Variants in CPA6 observed in about 807,000 individuals in gnomAD.
CPA6 encodes the protein carboxypeptidase A6.
In CPA6, 58 loss-of-function variants were observed where a neutral mutation model predicts 63.3. The ratio of observed to expected loss-of-function variants is 0.92; its 90% CI spans 0.74 to 1.14. CPA6 has a LOEUF of 1.14. CPA6 is among the 50% of genes most tolerant of loss of function. The pLI is 0.00. For synonymous variants in CPA6, 185 were observed against 179.0 expected (o/e 1.03, Z -0.27); for missense variants, 565 against 526.6 (o/e 1.07, Z -0.71).
chr8:67,732,295 C>G (rs1817720708), intron 1 of CPA6, among the ~76,000 whole-genome samples: 1 of 152,174 alleles, frequency 6.6e-6, no homozygotes, highest in African/African-American at 2.4e-5. Flanking sequence ...TTTTTCACTA[C>G]TTGTCATTGA....
intron 8 of CPA6, among the ~76,000 whole-genome samples, chr8:67,448,637 AG>A (rs1810482927): frequency 7.0e-6 from 1 of 142,942 alleles, no homozygotes; most frequent in Non-Finnish European, 1.5e-5. Context: ...ATCTCAAAAA[AG>A]GAAAAAAAAA....
At chr8:67,633,154 G>C (rs1369373069) in intron 1 of CPA6, among the ~76,000 whole-genome samples, 1 of 152,048 alleles carries the variant, frequency 6.6e-6, no homozygotes. Context: ...CTCCTATAAA[G>C]CTTCCTTAGA....
chr8:67,444,092 C>T (rs1432546293), intron 8 of CPA6, among the ~76,000 whole-genome samples: 2 of 151,304 alleles, frequency 1.3e-5, no homozygotes, highest in Admixed American at 1.3e-4. Flanking sequence ...CCCGGGTTCA[C>T]GCCATTCTCC....
intron 1 of CPA6, among the ~76,000 whole-genome samples, chr8:67,659,880 A>G (rs1403807589): frequency 6.6e-6 from 1 of 152,228 alleles, no homozygotes; most frequent in Admixed American, 6.5e-5. Context: ...CCTTCATTGC[A>G]TTTCTTTTAT....
chr8:67,711,210 C>T (rs950178329), intron 1 of CPA6, among the ~76,000 whole-genome samples: 5 of 152,200 alleles, frequency 3.3e-5, no homozygotes, highest in African/African-American at 1.2e-4. Flanking sequence ...GATCCACAAT[C>T]CTACTTTGAA....
At chr8:67,422,755 G>T (rs1007380375) in intron 10 of CPA6, 64 bp from the exon 11 acceptor site, 2 of 1,219,024 alleles carry the variant, frequency 1.6e-6, no homozygotes, top group Non-Finnish European at 2.3e-6. Context: ...TTTTCTAAAT[G>T]TATATACTAT....
At chr8:67,732,114 T>C (rs1360476675) in intron 1 of CPA6, among the ~76,000 whole-genome samples, 2 of 152,194 alleles carry the variant, frequency 1.3e-5, no homozygotes, top group African/African-American at 4.8e-5. Context: ...TAAGAGCCTA[T>C]ATAAATAAAA....
intron 2 of CPA6, among the ~76,000 whole-genome samples, chr8:67,580,807 A>T (rs932163087): frequency 4.6e-5 from 7 of 152,228 alleles, no homozygotes; most frequent in Non-Finnish European, 7.3e-5. Flanking sequence ...AAGTTAAAAA[A>T]TACCAAATGC....
chr8:67,567,436 A>T (rs1274070082), intron 2 of CPA6, among the ~76,000 whole-genome samples: 2 of 152,240 alleles, frequency 1.3e-5, no homozygotes, highest in African/African-American at 4.8e-5. Flanking sequence ...CAATGAATAA[A>T]CATAGGAGTT....
intron 2 of CPA6, among the ~76,000 whole-genome samples, chr8:67,603,541 A>G (rs933074330): frequency 1.3e-5 from 2 of 152,198 alleles, no homozygotes; most frequent in Admixed American, 6.5e-5. Flanking sequence ...AAGCATGTCC[A>G]TAGATTTTTG....
intron 2 of CPA6, among the ~76,000 whole-genome samples, chr8:67,559,852 A>ATATATAT (rs1813159662): frequency 3.4e-5 from 5 of 148,050 alleles, no homozygotes; most frequent in South Asian, 4.3e-4. Flanking sequence ...AGTTGGACAA[A>ATATATAT]ATATATATAT....
intron 2 of CPA6, among the ~76,000 whole-genome samples, chr8:67,544,437 G>A (rs1325680942): frequency 6.6e-6 from 1 of 152,182 alleles, no homozygotes; most frequent in Non-Finnish European, 1.5e-5. Context: ...AGCAAACAGA[G>A]CACTGAATTA....
Position 67,533,287 on chromosome 8 carries a change from T to C in CPA6, c.193-15240A>G, listed in dbSNP as rs1812516778. ...CGTAAGAAGGGTAGAATGAGGATGA[T>C]TGCACACACTCAGAGGCAAGTACAG... On this transcript the variant is annotated intron_variant, in intron 2 of 10. Coordinates refer to ENST00000297770, the MANE Select transcript of CPA6 (RefSeq NM_020361.5). Among the ~76,000 whole-genome samples the C allele has an allele frequency of 2.0e-5, 3 of 152,306 alleles. No homozygotes were observed. In the South Asian group the frequency reaches 6.2e-4, roughly 32 times the overall value.
chr8:67,603,171 C>G (rs2128983567), intron 2 of CPA6, among the ~76,000 whole-genome samples: 1 of 152,176 alleles, frequency 6.6e-6, no homozygotes, highest in South Asian at 2.1e-4. Context: ...TAGGAATAAT[C>G]CTTCTATATA....
intron 1 of CPA6, among the ~76,000 whole-genome samples, chr8:67,699,456 A>AG (rs1306603293): frequency 2.0e-5 from 3 of 151,938 alleles, no homozygotes; most frequent in East Asian, 1.9e-4. Flanking sequence ...ACAAAACAGG[A>AG]GGGGGGGATG....
Position 67,606,031 on chromosome 8 carries a change from A to G in CPA6, c.192+18145T>C, listed in dbSNP as rs117179859. On this transcript the variant is annotated intron_variant, in intron 2 of 10. Coordinates refer to ENST00000297770, the MANE Select transcript of CPA6 (RefSeq NM_020361.5). ...TGGAATATGGGCCCAGAAGAATTCA[A>G]TTTTTGTCTTTGCGATAGTTTACTG... 2.6e-5 allele frequency among the ~76,000 whole-genome samples: 4 copies of G among 152,090 alleles called. No individual in the cohort carries two copies. In the East Asian group the frequency reaches 7.7e-4, roughly 29 times the overall value.
At chr8:67,653,719 T>C (rs1022291170) in intron 1 of CPA6, among the ~76,000 whole-genome samples, 4 of 152,066 alleles carry the variant, frequency 2.6e-5, no homozygotes, top group Non-Finnish European at 4.4e-5. Flanking sequence ...CTTTTCCTAA[T>C]TGAATACCCT....
intron 2 of CPA6, among the ~76,000 whole-genome samples, chr8:67,604,296 T>A (rs1814570744): frequency 6.6e-6 from 1 of 152,216 alleles, no homozygotes; most frequent in African/African-American, 2.4e-5. Context: ...AAAAGCTTTC[T>A]GATGAGCTAG....
chr8:67,648,258 G>GTTTTTTTTTT (rs4009129), intron 1 of CPA6, among the ~76,000 whole-genome samples: 1 of 113,906 alleles, frequency 8.8e-6, no homozygotes, highest in Non-Finnish European at 1.8e-5. Context: ...CCTAGATTAG[G>GTTTTTTTTTT]TTTTTTTTTT....
Sources: allele counts gnomAD v4.1 joint callset (sites outside exome capture counted in the v4.1 genomes callset), GRCh38; gene constraint gnomAD v4.1.1; transcripts MANE v1.5; gene names NCBI Gene and HGNC (gene_info 2026-07-23, HGNC 2026-07-21).